SACS: variants seen among roughly 807,000 people sequenced by gnomAD.
SACS encodes sacsin molecular chaperone.
Under a neutral mutation model 348.0 loss-of-function variants are expected in SACS, and 197 were observed. The observed-to-expected ratio is 0.57, with a 90% CI of 0.50 to 0.64. SACS has a LOEUF of 0.64. SACS is among the 30% of genes least tolerant of loss of function. The pLI is 0.00. For missense variants in SACS, 4,999 were observed against 5,360.8 expected, an observed-to-expected ratio of 0.93 and a Z score of 2.11; for synonymous variants, 1,985 against 1,910.6, an observed-to-expected ratio of 1.04 and a Z score of -1.02.
chr13:23,367,252 G>C (rs1871115097), intron 5 of SACS, among the ~76,000 whole-genome samples: 1 of 152,102 alleles, frequency 6.6e-6, no homozygotes, highest in Non-Finnish European at 1.5e-5. Flanking sequence ...TGAACCACTG[G>C]TGCCTATGCT....
chr13:23,367,460 G>A (rs1871127034), intron 5 of SACS, among the ~76,000 whole-genome samples: 1 of 152,190 alleles, frequency 6.6e-6, no homozygotes, highest in African/African-American at 2.4e-5. Context: ...AAGCTAATGG[G>A]AAGGAAAATG....
intron 1 of SACS, among the ~76,000 whole-genome samples, chr13:23,430,843 T>C (rs1237160378): frequency 6.6e-6 from 1 of 152,212 alleles, no homozygotes; most frequent in African/African-American, 2.4e-5. Flanking sequence ...GTTATTATAA[T>C]TGGACCACAG....
At chr13:23,432,945 GAAAAA>G (rs1424897681) in intron 1 of SACS, among the ~76,000 whole-genome samples, 1 of 151,980 alleles carries the variant, frequency 6.6e-6, no homozygotes, top group Non-Finnish European at 1.5e-5. Context: ...TTTTAAGGAA[GAAAAA>G]AAGACAGCGA....
Position 23,348,291 on chromosome 13 carries a change from C to G in SACS, c.2185+5494G>C, listed in dbSNP as rs1458126154. Among the ~76,000 whole-genome samples the G allele has an allele frequency of 2.0e-5, 3 of 152,198 alleles. No individual in the cohort carries two copies. The East Asian group carries it at 5.8e-4, about 29-fold the overall frequency. On this transcript the variant is annotated intron_variant, in intron 9 of 9. Coordinates refer to ENST00000382292, the MANE Select transcript of SACS (RefSeq NM_014363.6). ...AATCTCTCAAATGGAGATACAGGCT[C>G]TATTATCTCATGGTTGTAAAGAATA...
intron 2 of SACS, among the ~76,000 whole-genome samples, chr13:23,400,990 T>TA (rs34014602): frequency 0.88 from 133,325 of 152,052 alleles, 58,641 homozygotes; most frequent in East Asian, 1. Context: ...GCGTATCAAA[T>TA]AAAAAAGATA....
chr13:23,373,695 G>A (rs79229091), intron 3 of SACS: 45,968 of 152,112 alleles, frequency 0.3, 8,246 homozygotes, highest in East Asian at 0.52. Flanking sequence ...AGCTACTCGG[G>A]AGGCTGAGGC....
chr13:23,332,208 T>C lies in SACS; in HGVS notation c.11668A>G (p.Asn3890Asp), dbSNP rs1474529659. Residue 3890 changes from asparagine (N) to aspartate (D), a missense_variant, in exon 10 of 10, where the codon AAT (asparagine) becomes GAT (aspartate). By Grantham distance (23) the Asn-to-Asp change is conservative. This residue lies in a region of SACS where 831 missense variants were observed against 941.8 expected (regional missense o/e 0.88). Coordinates refer to ENST00000382292, the MANE Select transcript of SACS (RefSeq NM_014363.6). Reference sequence around the variant, plus strand: ...TCACTCCTCACCTTGACTGAATCATTCTGTAGACTCCTGAACAGACCAGAA... The same window carrying C: ...TCACTCCTCACCTTGACTGAATCATCCTGTAGACTCCTGAACAGACCAGAA... Reference protein sequence around the residue: ...VVSGLFRSLQNDSVKVRSDLE... With the variant: ...VVSGLFRSLQDDSVKVRSDLE... 1.9e-6 allele frequency: 3 copies of C among 1,613,890 alleles called. No homozygotes were observed. The highest frequency in any genetic ancestry group is 2.7e-5 in the African/African-American group (2 of 74,896).
chr13:23,388,841 T>C (rs1268766803), intron 2 of SACS, among the ~76,000 whole-genome samples: 1 of 151,978 alleles, frequency 6.6e-6, no homozygotes, highest in African/African-American at 2.4e-5. Context: ...ACACAGTTTA[T>C]CCAAGTAACC....
At chr13:23,374,213 A>T (rs1406589335) in intron 3 of SACS, among the ~76,000 whole-genome samples, 1 of 152,244 alleles carries the variant, frequency 6.6e-6, no homozygotes, top group African/African-American at 2.4e-5. Context: ...GGAGCATGAA[A>T]ACAGGTAATA....
At chr13:23,363,042 G>A (rs1870836738) in intron 6 of SACS, among the ~76,000 whole-genome samples, 1 of 150,338 alleles carries the variant, frequency 6.7e-6, no homozygotes, top group South Asian at 2.1e-4. Context: ...CCAAGTAGCT[G>A]GGATTACAGG....
chr13:23,361,383 T>G (rs2137759784), intron 6 of SACS, among the ~76,000 whole-genome samples: 1 of 152,330 alleles, frequency 6.6e-6, no homozygotes, highest in African/African-American at 2.4e-5. Flanking sequence ...GTCTCATTGG[T>G]TCACTCTCTG....
chr13:23,349,320 A>G (rs148350165), intron 9 of SACS, among the ~76,000 whole-genome samples: 16 of 152,332 alleles, frequency 1.1e-4, no homozygotes, highest in African/African-American at 3.6e-4. Context: ...TTCTTGAGCA[A>G]TCTTGTGGAC....
At position 23,354,659 on chromosome 13, in the gene SACS, TAGA is replaced by T. The variant is rs1291097948; in HGVS notation, c.1950_1952del (p.Leu651del). ...AGGCTTGGTCAGAAAGCACAAATTCTAGAAGGTGAAGCTTTTCTTCAGCACAGC... is the reference window on the plus strand; with the variant it reads ...AGGCTTGGTCAGAAAGCACAAATTCTAGGTGAAGCTTTTCTTCAGCACAGC... On this transcript the variant is annotated inframe_deletion, in exon 8 of 10. Coordinates refer to ENST00000382292, the MANE Select transcript of SACS (RefSeq NM_014363.6). 1.9e-6 allele frequency: 3 copies of T among 1,614,206 alleles called. No individual in the cohort carries two copies. The highest frequency in any genetic ancestry group is 2.2e-5 in the East Asian group (1 of 44,884).
Position 23,329,285 on chromosome 13 carries a change from C to A in SACS, c.*851G>T. The stretch of plus-strand genomic sequence containing the variant: ...TTTTAACTGCAGCACCTTTAGACAA[C>A]AAAAGATTGCATCCTGTTCAACCAC... On this transcript the variant is annotated 3_prime_UTR_variant, in exon 10 of 10. Transcript: ENST00000382292. 3.5e-6 allele frequency: 2 copies of A among 571,340 alleles called. No individual in the cohort carries two copies. Among genetic ancestry groups the A allele is most frequent in the Non-Finnish European group, 6.2e-6 (2 of 321,092 alleles). 35.4% of individuals were successfully genotyped at this position (571,340 alleles called of 1,614,324 possible). A position where few individuals can be genotyped will look rare whatever the true frequency, so the allele number is the denominator to read the frequency against.
At chr13:23,396,853 G>C (rs974447494) in intron 2 of SACS, among the ~76,000 whole-genome samples, 1 of 152,070 alleles carries the variant, frequency 6.6e-6, no homozygotes, top group Non-Finnish European at 1.5e-5. Flanking sequence ...TTGGCAACTG[G>C]CAGCCTTAGA....
Position 23,340,831 on chromosome 13 carries a change from C to T in SACS, c.3045G>A (p.Trp1015Ter). Residue 1015 changes from tryptophan to a stop codon, truncating the protein, a stop_gained, in exon 10 of 10, where the codon TGG (tryptophan) becomes TGA (stop). Transcript: ENST00000382292. LOFTEE classifies it high-confidence loss of function. ...SHEEVTQLML[W>*]VLENLSSLKN... ...TAAGAGAAGATAGATTCTCAAGGAC[C>T]CATAACATAAGCTGTGTTACCTCTT... The T allele has an allele frequency of 6.2e-7, 1 of 1,603,628 alleles. No homozygotes were observed. Among genetic ancestry groups the T allele is most frequent in the Non-Finnish European group, 8.5e-7 (1 of 1,174,030 alleles).
intron 9 of SACS, among the ~76,000 whole-genome samples, 185 bp from the exon 10 acceptor site, chr13:23,341,875 C>A (rs977084395): frequency 2.7e-5 from 4 of 149,990 alleles, no homozygotes; most frequent in Non-Finnish European, 5.9e-5. Context: ...CAAGCTCCGC[C>A]TCCCGGGTTC....
chr13:23,374,244 A>T (rs946055921), intron 3 of SACS, among the ~76,000 whole-genome samples: 1 of 152,262 alleles, frequency 6.6e-6, no homozygotes, highest in Non-Finnish European at 1.5e-5. Flanking sequence ...AAGGAGGGCA[A>T]AGGACTAGAA....
intron 9 of SACS, 114 bp downstream of exon 9, chr13:23,353,671 G>A: frequency 1.5e-6 from 1 of 655,038 alleles, no homozygotes; most frequent in Non-Finnish European, 2.7e-6. Flanking sequence ...AAGTTTATTA[G>A]CTTGAGCCAT....
Sources: gnomAD v4.1 joint callset for allele counts (sites outside exome capture counted in the v4.1 genomes callset) on GRCh38, gnomAD v4.1.1 for gene constraint, gnomAD v4.1.1 regional missense constraint, MANE v1.5 for transcripts, NCBI Gene and HGNC (gene_info 2026-07-23, HGNC 2026-07-21) for gene names.